SLC25A21: variants seen among roughly 807,000 people sequenced by gnomAD.
SLC25A21 encodes the protein solute carrier family 25 member 21.
SLC25A21 carries 47 observed loss-of-function variants against 43.8 expected under a neutral mutation model. That is an observed-to-expected ratio of 1.07 (90% CI 0.85 to 1.37). The LOEUF is 1.37. Among genes scored for constraint, SLC25A21 ranks in the 40% most tolerant of loss-of-function variants. SLC25A21 has a pLI of 0.00. For synonymous variants in SLC25A21, 131 were observed against 121.3 expected (o/e 1.08, Z -0.52); for missense variants, 352 against 350.2 (o/e 1.00, Z -0.04).
intron 1 of SLC25A21, among the ~76,000 whole-genome samples, chr14:36,878,147 CCTT>C (rs1890601130): frequency 6.6e-6 from 1 of 152,104 alleles, no homozygotes; most frequent in African/African-American, 2.4e-5. Flanking sequence ...AGTAAAAACA[CCTT>C]CTCTCATCAT....
At chr14:36,687,950 A>T (rs1470615108) in intron 7 of SLC25A21, among the ~76,000 whole-genome samples, 2 of 152,218 alleles carry the variant, frequency 1.3e-5, no homozygotes, top group Non-Finnish European at 2.9e-5. Flanking sequence ...TGCGCAGAGA[A>T]TAAAGACAAA....
At chr14:37,078,117 T>C (rs1281964713) in intron 1 of SLC25A21, among the ~76,000 whole-genome samples, 3 of 152,190 alleles carry the variant, frequency 2.0e-5, no homozygotes, top group Non-Finnish European at 4.4e-5. Context: ...TCCAGGACTT[T>C]CTTGAAAATC....
At chr14:36,955,863 A>C (rs1959327018) in intron 1 of SLC25A21, among the ~76,000 whole-genome samples, 1 of 152,154 alleles carries the variant, frequency 6.6e-6, no homozygotes, top group African/African-American at 2.4e-5. Context: ...ACACATACAA[A>C]AAGTAGGGAC....
chr14:37,124,158 G>A (rs1315150549), intron 1 of SLC25A21, among the ~76,000 whole-genome samples: 3 of 151,764 alleles, frequency 2.0e-5, no homozygotes, highest in South Asian at 2.1e-4. Context: ...CTTGAACTCC[G>A]TGTTCAAGTG....
At chr14:36,820,497 A>G (rs981421655) in intron 2 of SLC25A21, among the ~76,000 whole-genome samples, 2 of 152,148 alleles carry the variant, frequency 1.3e-5, no homozygotes, top group African/African-American at 2.4e-5. Flanking sequence ...AAGGAGGTGA[A>G]GCATTTTGAG....
intron 2 of SLC25A21, among the ~76,000 whole-genome samples, chr14:36,837,352 T>C (rs1454060648): frequency 6.6e-6 from 1 of 151,966 alleles, no homozygotes; most frequent in Non-Finnish European, 1.5e-5. Context: ...AGGGCAAGCC[T>C]GCCGAACAGT....
intron 3 of SLC25A21, among the ~76,000 whole-genome samples, chr14:36,771,518 A>C (rs919228748): frequency 3.3e-5 from 5 of 152,150 alleles, no homozygotes; most frequent in Admixed American, 3.3e-4. Flanking sequence ...AGATGGGTTC[A>C]TGGGTGACGC....
chr14:36,871,926 A>G (rs549071209), intron 2 of SLC25A21, among the ~76,000 whole-genome samples: 1 of 152,230 alleles, frequency 6.6e-6, no homozygotes, highest in Non-Finnish European at 1.5e-5. Flanking sequence ...CCACATTCAG[A>G]AATAACTATA....
At chr14:37,068,474 T>C (rs1181786518) in intron 1 of SLC25A21, among the ~76,000 whole-genome samples, 1 of 152,172 alleles carries the variant, frequency 6.6e-6, no homozygotes, top group Admixed American at 6.5e-5. Context: ...TTGGAAAGAG[T>C]TATATGTGTT....
chr14:37,122,915 T>C (rs1329779254), intron 1 of SLC25A21, among the ~76,000 whole-genome samples: 1 of 152,208 alleles, frequency 6.6e-6, no homozygotes. Flanking sequence ...TTTATAAATA[T>C]AGGTCTATAT....
At chr14:36,935,655 C>T (rs189710119) in intron 1 of SLC25A21, among the ~76,000 whole-genome samples, 7 of 149,700 alleles carry the variant, frequency 4.7e-5, no homozygotes, top group Admixed American at 1.4e-4. Context: ...CAGGCTACAG[C>T]GTACTGAAGC....
At chr14:36,960,340 G>A (rs1215947154) in intron 1 of SLC25A21, among the ~76,000 whole-genome samples, 1 of 152,046 alleles carries the variant, frequency 6.6e-6, no homozygotes, top group Non-Finnish European at 1.5e-5. Flanking sequence ...TCTCAGGACT[G>A]AGAAAATTTG....
rs992000876 is a variant in SLC25A21, at chr14:36,711,487, A to G, written c.439-5T>C. The G allele has an allele frequency of 6.2e-7, 1 of 1,612,676 alleles. No homozygotes were observed. Among genetic ancestry groups the G allele is most frequent in the Admixed American group, 1.7e-5 (1 of 59,772 alleles). On this transcript the variant is annotated splice_region_variant and splice_polypyrimidine_tract_variant and intron_variant, in intron 6 of 9. Coordinates refer to ENST00000331299, the MANE Select transcript of SLC25A21 (RefSeq NM_030631.4). ...ATAACCCACAGTGGATGGTTGCTGC[A>G]GAAGAGAGAAGCAAGGCCAGAATGA... is the stretch of plus-strand genomic sequence containing the variant.
At chr14:36,959,493 C>T (rs17105774) in intron 1 of SLC25A21, among the ~76,000 whole-genome samples, 1,546 of 152,242 alleles carry the variant, frequency 0.01, 35 homozygotes, top group African/African-American at 0.035. Context: ...ATGCCCAGTC[C>T]TTGCCCACAT....
chr14:36,813,239 G>A (rs1017644905), intron 3 of SLC25A21, among the ~76,000 whole-genome samples: 5 of 151,858 alleles, frequency 3.3e-5, no homozygotes, highest in Admixed American at 2.0e-4. Flanking sequence ...ACAGACACAC[G>A]CACACATATG....
chr14:37,030,193 T>C (rs1455301207), intron 1 of SLC25A21, among the ~76,000 whole-genome samples: 6 of 152,156 alleles, frequency 3.9e-5, no homozygotes. Context: ...TACATTTACT[T>C]TTCATTAAGT....
At chr14:36,874,482 T>G (rs2138555100) in intron 2 of SLC25A21, among the ~76,000 whole-genome samples, 1 of 152,324 alleles carries the variant, frequency 6.6e-6, no homozygotes, top group Non-Finnish European at 1.5e-5. Context: ...GCCCCTGCAG[T>G]TTCCTGAAAA....
At chr14:36,716,562 TAA>T (rs1215320736) in intron 6 of SLC25A21, among the ~76,000 whole-genome samples, 1 of 152,064 alleles carries the variant, frequency 6.6e-6, no homozygotes, top group Non-Finnish European at 1.5e-5. Context: ...CAAAAAATGT[TAA>T]AAAGAGAGAG....
At chr14:37,102,736 AG>A (rs57810692) in intron 1 of SLC25A21, among the ~76,000 whole-genome samples, 3,464 of 152,164 alleles carry the variant, frequency 0.023, 122 homozygotes, top group Admixed American at 0.091. Flanking sequence ...CTGTAATCGC[AG>A]CACTTTGGGA....
Sources: allele counts gnomAD v4.1 joint callset (sites outside exome capture counted in the v4.1 genomes callset), GRCh38; gene constraint gnomAD v4.1.1; transcripts MANE v1.5; gene names NCBI Gene and HGNC (gene_info 2026-07-23, HGNC 2026-07-21).